PRKN: variants seen among roughly 807,000 people sequenced by gnomAD.
PRKN encodes E3 ubiquitin-protein ligase parkin.
PRKN carries 56 observed loss-of-function variants against 59.5 expected under a neutral mutation model. That is an observed-to-expected ratio of 0.94 (90% confidence interval 0.76 to 1.18). PRKN has a LOEUF of 1.18. Among genes scored for constraint, PRKN ranks in the 50% most tolerant of loss-of-function variants. The pLI is 0.00. For synonymous variants in PRKN, 250 were observed against 222.1 expected (o/e 1.13, Z -1.12); for missense variants, 657 against 596.4 (o/e 1.10, Z -1.06).
chr6:162,284,647 G>A (rs1191695632), intron 2 of PRKN, among the ~76,000 whole-genome samples: 1 of 152,116 alleles, frequency 6.6e-6, no homozygotes, highest in East Asian at 1.9e-4. Flanking sequence ...CCTTATTACT[G>A]GATTTTCTTT....
At chr6:161,901,546 A>T (rs1248064626) in intron 6 of PRKN, among the ~76,000 whole-genome samples, 1 of 152,164 alleles carries the variant, frequency 6.6e-6, no homozygotes, top group Non-Finnish European at 1.5e-5. Flanking sequence ...AATTTCAAAT[A>T]TTCCACTCCA....
At chr6:161,754,282 T>C (rs1422801450) in intron 7 of PRKN, among the ~76,000 whole-genome samples, 1 of 151,586 alleles carries the variant, frequency 6.6e-6, no homozygotes, top group Non-Finnish European at 1.5e-5. Flanking sequence ...AAGAGAAAAG[T>C]GTGGGCTGAG....
intron 7 of PRKN, among the ~76,000 whole-genome samples, chr6:161,724,408 G>T (rs946274213): frequency 2.6e-5 from 4 of 152,222 alleles, no homozygotes; most frequent in Non-Finnish European, 1.5e-5. Context: ...GAAAAATATG[G>T]TAAGCGTTCA....
intron 1 of PRKN, chr6:162,624,261 A>AAC (rs1042170120): frequency 9.2e-5 from 14 of 151,808 alleles, no homozygotes; most frequent in Non-Finnish European, 1.9e-4. Context: ...AAAAAAAAAA[A>AAC]AACAAAAACC....
At chr6:161,638,309 T>C (rs1429037322) in intron 7 of PRKN, among the ~76,000 whole-genome samples, 1 of 151,912 alleles carries the variant, frequency 6.6e-6, no homozygotes, top group Non-Finnish European at 1.5e-5. Context: ...AATTTTTTTG[T>C]GTTTCAGTAG....
In PRKN at chr6:161,360,057, C is replaced by G. The variant is rs1164544607; in HGVS notation, c.1285+31G>C. The G allele has an allele frequency of 5.5e-6, 8 of 1,458,544 alleles. No homozygotes were observed. Among genetic ancestry groups the G allele is most frequent in the Non-Finnish European group, 7.7e-6 (8 of 1,037,876 alleles). 90.4% of individuals were successfully genotyped at this position (1,458,544 alleles called of 1,614,324 possible). A position where few individuals can be genotyped will look rare whatever the true frequency, so the allele number is the denominator to read the frequency against. ...TGATTCTCCCCCAAAGAGCACACGA[C>G]ATCCTCATTCTCTGCTCAGCACAGA... On this transcript the variant is annotated intron_variant, in intron 11 of 11. Transcript: ENST00000366898. The surrounding 1 kb of genome is among the most constrained non-coding windows in gnomAD (Gnocchi z 5.1).
At chr6:161,768,152 A>C (rs1789510317) in intron 7 of PRKN, among the ~76,000 whole-genome samples, 1 of 152,126 alleles carries the variant, frequency 6.6e-6, no homozygotes, top group South Asian at 2.1e-4. Context: ...ATGACTAAAC[A>C]CGAAGGGGGC....
chr6:162,326,539 T>C (rs1220745021), intron 2 of PRKN, among the ~76,000 whole-genome samples: 1 of 152,162 alleles, frequency 6.6e-6, no homozygotes, highest in Non-Finnish European at 1.5e-5. Context: ...CTGGTACTAA[T>C]ACTTCAAGAG....
rs1325363416 is a variant in PRKN, at chr6:161,680,752, TATATATATATATATATATATA to T, written c.871+104999_871+105019del. Among the ~76,000 whole-genome samples, 85 of 33,416 alleles carry T rather than the reference TATATATATATATATATATATA, an allele frequency of 2.5e-3. 2 individuals are homozygous for T. The highest frequency in any genetic ancestry group is 5.6e-3 in the East Asian group (5 of 888). The allele number at this position is 33,416 out of a possible 152,430, so 21.9% of individuals were successfully genotyped here. On this transcript the variant is annotated intron_variant, in intron 7 of 11. Transcript: ENST00000366898. The stretch of plus-strand genomic sequence containing the variant: ...ATATATATATATATATATATATATA[TATATATATATATATATATATA>T]TATTTTTTTTTTTTTTTCTTTTCCT...
intron 1 of PRKN, among the ~76,000 whole-genome samples, chr6:162,625,635 T>A (rs1782852322): frequency 6.6e-6 from 1 of 152,072 alleles, no homozygotes; most frequent in African/African-American, 2.4e-5. Context: ...CCACACTACT[T>A]CACCACCATT....
chr6:162,294,028 C>T (rs1781552506), intron 2 of PRKN, among the ~76,000 whole-genome samples: 1 of 152,044 alleles, frequency 6.6e-6, no homozygotes, highest in African/African-American at 2.4e-5. Flanking sequence ...GGTGGCAGGA[C>T]CCTGGAAACA....
chr6:161,748,493 G>A (rs1310164197), intron 7 of PRKN, among the ~76,000 whole-genome samples: 1 of 151,954 alleles, frequency 6.6e-6, no homozygotes. Flanking sequence ...CTTTGATTTT[G>A]GCTCAGAAAA....
chr6:162,147,436 T>C (rs145428032), intron 4 of PRKN, among the ~76,000 whole-genome samples: 1 of 151,602 alleles, frequency 6.6e-6, no homozygotes, highest in African/African-American at 2.4e-5. Flanking sequence ...TTTGTATTGA[T>C]GTTGCAACCT....
chr6:162,699,512 T>C (rs968499289), intron 1 of PRKN, among the ~76,000 whole-genome samples: 1 of 152,206 alleles, frequency 6.6e-6, no homozygotes, highest in Non-Finnish European at 1.5e-5. Flanking sequence ...AAGCTTACTA[T>C]GTGAGATATA....
intron 2 of PRKN, among the ~76,000 whole-genome samples, chr6:162,429,312 T>G (rs1789395040): frequency 1.3e-5 from 2 of 152,136 alleles, no homozygotes; most frequent in African/African-American, 4.8e-5. Context: ...ATAACCTTCT[T>G]GCACATGGAA....
intron 2 of PRKN, among the ~76,000 whole-genome samples, chr6:162,378,813 T>C (rs1786267978): frequency 6.6e-6 from 1 of 152,190 alleles, no homozygotes; most frequent in Non-Finnish European, 1.5e-5. Flanking sequence ...GAGCCTCTAA[T>C]GGGGCATTTG....
chr6:162,296,366 C>T (rs1471140514), intron 2 of PRKN, among the ~76,000 whole-genome samples: 1 of 151,960 alleles, frequency 6.6e-6, no homozygotes, highest in Non-Finnish European at 1.5e-5. Flanking sequence ...AGGATGGAGA[C>T]AAGCTCTGTT....
intron 4 of PRKN, among the ~76,000 whole-genome samples, chr6:162,139,870 G>T (rs1465346830): frequency 6.9e-6 from 1 of 145,692 alleles, no homozygotes; most frequent in Non-Finnish European, 1.5e-5. Flanking sequence ...TTATGAACCT[G>T]ACAGAGCGAG....
intron 4 of PRKN, among the ~76,000 whole-genome samples, chr6:162,180,475 TATACTATAAAC>T (rs1435137308): frequency 1.3e-5 from 2 of 151,954 alleles, no homozygotes; most frequent in African/African-American, 4.8e-5. Flanking sequence ...AGGTCTCGAA[TATACTATAAAC>T]ATATGTGTTT....
Sources: allele counts gnomAD v4.1 joint callset (sites outside exome capture counted in the v4.1 genomes callset), GRCh38; gene constraint gnomAD v4.1.1; non-coding constraint Gnocchi (gnomAD v3.1); transcripts MANE v1.5; gene names NCBI Gene and HGNC (gene_info 2026-07-23, HGNC 2026-07-21).